The following RARB variants were observed in gnomAD, a reference collection of about 807,000 sequenced individuals.
RARB encodes retinoic acid receptor beta, also known as HBV-activated protein.
In RARB, 17 loss-of-function variants were observed where a neutral mutation model predicts 51.9. That is an observed-to-expected ratio of 0.33 (90% confidence interval 0.22 to 0.49). The LOEUF is 0.49. Among genes scored for constraint, RARB ranks in the 20% least tolerant of loss-of-function variants. The pLI, the probability that RARB is intolerant of heterozygous loss-of-function variation, is 0.99. For synonymous variants in RARB, 215 were observed against 195.4 expected (o/e 1.10, Z -0.84); for missense variants, 369 against 550.8 (o/e 0.67, Z 3.30).
intron 5 of RARB, among the ~76,000 whole-genome samples, chr3:25,358,129 A>G (rs1347157161): frequency 2.0e-5 from 3 of 152,116 alleles, no homozygotes; most frequent in Non-Finnish European, 2.9e-5. Context: ...GTGTTTTTCC[A>G]TTTGTTTGTG....
intron 5 of RARB, among the ~76,000 whole-genome samples, chr3:25,307,839 C>T (rs1704190174): frequency 6.6e-6 from 1 of 152,160 alleles, no homozygotes; most frequent in Non-Finnish European, 1.5e-5. Context: ...CTAAATGCTA[C>T]CCCAAACCTG....
intron 4 of RARB, among the ~76,000 whole-genome samples, chr3:25,151,594 C>T (rs189130168): frequency 3.3e-5 from 5 of 152,254 alleles, no homozygotes; most frequent in Admixed American, 1.3e-4. Context: ...TTGGTACAGA[C>T]GATTCAGCAT....
intron 1 of RARB, among the ~76,000 whole-genome samples, chr3:24,853,821 T>C (rs550485936): frequency 6.6e-6 from 1 of 152,336 alleles, no homozygotes; most frequent in South Asian, 2.1e-4. Context: ...GAATTGAATT[T>C]AATATTCCCC....
At chr3:25,254,773 A>T (rs987654925) in intron 5 of RARB, among the ~76,000 whole-genome samples, 1 of 152,146 alleles carries the variant, frequency 6.6e-6, no homozygotes, top group African/African-American at 2.4e-5. Flanking sequence ...GAAATAGGAT[A>T]AAGAAGAAGA....
intron 3 of RARB, among the ~76,000 whole-genome samples, chr3:25,068,647 T>C (rs1698710998): frequency 1.3e-5 from 2 of 152,216 alleles, no homozygotes; most frequent in African/African-American, 4.8e-5. Flanking sequence ...AGGTACCCAT[T>C]AACTAAAAGG....
intron 2 of RARB, among the ~76,000 whole-genome samples, chr3:24,863,002 C>G (rs1464587437): frequency 6.6e-6 from 1 of 152,052 alleles, no homozygotes; most frequent in Non-Finnish European, 1.5e-5. Flanking sequence ...AACAATAATG[C>G]AGAAGAAATA....
chr3:24,934,382 C>CT (rs2125395702), intron 2 of RARB, among the ~76,000 whole-genome samples: 1 of 152,188 alleles, frequency 6.6e-6, no homozygotes, highest in East Asian at 1.9e-4. Context: ...AAGAATAGCT[C>CT]TTTTTCATGT....
intron 2 of RARB, among the ~76,000 whole-genome samples, chr3:25,486,787 C>T (rs184010256): frequency 4.6e-5 from 7 of 152,192 alleles, no homozygotes; most frequent in Admixed American, 2.6e-4. Flanking sequence ...ATGGTCTTCA[C>T]GGACAATGGG....
intron 2 of RARB, among the ~76,000 whole-genome samples, chr3:25,492,816 A>G (rs940280770): frequency 2.6e-5 from 4 of 152,026 alleles, no homozygotes; most frequent in Admixed American, 6.6e-5. Context: ...TTGAAAGGAG[A>G]CTTTTAGGCC....
chr3:25,540,491 T>C (rs1270631415), intron 3 of RARB, among the ~76,000 whole-genome samples: 1 of 152,212 alleles, frequency 6.6e-6, no homozygotes, highest in Non-Finnish European at 1.5e-5. Context: ...ATTTTTAACT[T>C]CCGCCCTCAT....
At chr3:24,964,549 G>T (rs1326398248) in intron 2 of RARB, among the ~76,000 whole-genome samples, 1 of 152,136 alleles carries the variant, frequency 6.6e-6, no homozygotes, top group Non-Finnish European at 1.5e-5. Context: ...GCACACCCAC[G>T]ATTGAGAATG....
intron 5 of RARB, among the ~76,000 whole-genome samples, chr3:25,324,980 AT>A (rs1704672482): frequency 6.6e-6 from 1 of 152,224 alleles, no homozygotes; most frequent in Non-Finnish European, 1.5e-5. Context: ...AGTCCACAGA[AT>A]AAAGTGAAAG....
At chr3:25,228,762 C>T (rs1298274593) in intron 5 of RARB, among the ~76,000 whole-genome samples, 1 of 152,036 alleles carries the variant, frequency 6.6e-6, no homozygotes, top group Non-Finnish European at 1.5e-5. Context: ...TTAATAAAAG[C>T]ACACATGCAG....
At chr3:25,568,924 A>G (rs1700602175) in intron 3 of RARB, among the ~76,000 whole-genome samples, 1 of 152,236 alleles carries the variant, frequency 6.6e-6, no homozygotes, top group African/African-American at 2.4e-5. Context: ...TCGGATTTGA[A>G]GTCATCCCAG....
At chr3:25,204,449 T>C (rs2125373311) in intron 5 of RARB, among the ~76,000 whole-genome samples, 1 of 152,366 alleles carries the variant, frequency 6.6e-6, no homozygotes, top group African/African-American at 2.4e-5. Context: ...TCCGTCCACC[T>C]TTGTTCCATT....
chr3:25,106,931 C>G (rs1344790669), intron 3 of RARB, among the ~76,000 whole-genome samples: 2 of 151,404 alleles, frequency 1.3e-5, no homozygotes, highest in African/African-American at 4.9e-5. Context: ...GATGGAGTCT[C>G]GCTGTCTTGC....
At chr3:25,581,670 G>A (rs1463930396) in intron 5 of RARB, among the ~76,000 whole-genome samples, 4 of 152,232 alleles carry the variant, frequency 2.6e-5, no homozygotes, top group Admixed American at 1.3e-4. Flanking sequence ...GTATTAGGAG[G>A]TGGGGTCTTT....
chr3:24,943,927 G>C (rs1330843912), intron 2 of RARB, among the ~76,000 whole-genome samples: 1 of 152,174 alleles, frequency 6.6e-6, no homozygotes, highest in Non-Finnish European at 1.5e-5. Context: ...AATTTTCAAA[G>C]TGAAAGTGAG....
chr3:25,101,794 C>T lies in RARB; in HGVS notation c.-327-30367C>T, dbSNP rs148423846. Among the ~76,000 whole-genome samples, 8 of 152,182 alleles carry T rather than the reference C, an allele frequency of 5.3e-5. No individual in the cohort carries two copies. In the South Asian group the frequency reaches 8.3e-4, roughly 16 times the overall value. ...GTAATTTTCTTTGAGTACCAACATA[C>T]ATTCCCACCAAGAGTGTATGAGGAT... is the stretch of plus-strand genomic sequence containing the variant. On this transcript the variant is annotated intron_variant, in intron 3 of 11. Transcript: ENST00000383772.
Sources: gnomAD v4.1 joint callset for allele counts (sites outside exome capture counted in the v4.1 genomes callset) on GRCh38, gnomAD v4.1.1 for gene constraint, MANE v1.5 for transcripts, NCBI Gene and HGNC (gene_info 2026-07-23, HGNC 2026-07-21) for gene names.